Variants in TNRC6A observed in about 807,000 individuals in gnomAD.
The protein encoded by TNRC6A is trinucleotide repeat-containing gene 6A protein.
A neutral mutation model predicts 221.2 loss-of-function variants in TNRC6A; 44 were observed. That is an observed-to-expected ratio of 0.20 (90% CI 0.16 to 0.26). The LOEUF (loss-of-function observed/expected upper bound fraction) is 0.26, where lower values mean the gene tolerates loss of function less well. Ranked by LOEUF, TNRC6A falls within the 10% of genes least tolerant of loss-of-function variation. The pLI, the probability that TNRC6A is intolerant of heterozygous loss-of-function variation, is 1.00. For synonymous variants in TNRC6A, 847 were observed against 838.5 expected (o/e 1.01, Z -0.18); for missense variants, 2,199 against 2,404.4 (o/e 0.91, Z 1.79).
chr16:24,713,942 G>C (rs1285280044), intron 2 of TNRC6A, among the ~76,000 whole-genome samples: 1 of 152,098 alleles, frequency 6.6e-6, no homozygotes, highest in East Asian at 1.9e-4. Context: ...CAGCGCACTT[G>C]GCCATTAATC....
intron 6 of TNRC6A, 103 bp from the exon 7 acceptor site, chr16:24,793,370 G>C: frequency 1.3e-6 from 1 of 765,444 alleles, no homozygotes; most frequent in South Asian, 5.2e-5. Flanking sequence ...ACATAAACAT[G>C]AAGTTCTTCA....
chr16:24,678,994 ATTTTTTT>A (rs10556464), intron 2 of TNRC6A, among the ~76,000 whole-genome samples: 1 of 135,938 alleles, frequency 7.4e-6, no homozygotes, highest in East Asian at 2.2e-4. Context: ...AAAACATTGA[ATTTTTTT>A]TTTTTTTTTT....
At chr16:24,736,293 T>G (rs980065934) in intron 2 of TNRC6A, among the ~76,000 whole-genome samples, 3 of 152,202 alleles carry the variant, frequency 2.0e-5, no homozygotes, top group African/African-American at 7.2e-5. Context: ...ATCGTGACAT[T>G]GCACACCAAA....
intron 1 of TNRC6A, among the ~76,000 whole-genome samples, chr16:24,636,368 T>C (rs909178428): frequency 6.0e-5 from 8 of 132,468 alleles, no homozygotes; most frequent in African/African-American, 2.4e-4. Flanking sequence ...TGTAGGACTT[T>C]GTGATTTTTT....
At chr16:24,816,251 C>T (rs913001662) in intron 19 of TNRC6A, 1 of 150,810 alleles carries the variant, frequency 6.6e-6, no homozygotes, top group African/African-American at 2.5e-5. Context: ...GTGGCGTGAA[C>T]ACAGGAGGCG....
chr16:24,631,561 TAA>T (rs1428462635), intron 1 of TNRC6A, among the ~76,000 whole-genome samples: 4 of 151,976 alleles, frequency 2.6e-5, no homozygotes, highest in African/African-American at 9.7e-5. Context: ...CACTTGAGGT[TAA>T]GAGTTCGAGA....
Position 24,823,339 on chromosome 16 carries a change from T to C in TNRC6A, c.5514-93T>C, listed in dbSNP as rs1039446588. 5.9e-5 allele frequency: 87 copies of C among 1,477,838 alleles called. No individual in the cohort carries two copies. The highest frequency in any genetic ancestry group is 7.5e-5 in the Non-Finnish European group (83 of 1,100,132). The allele number at this position is 1,477,838 out of a possible 1,614,324, so 91.5% of individuals were successfully genotyped here. A position where few individuals can be genotyped will look rare whatever the true frequency, so the allele number is the denominator to read the frequency against. On this transcript the variant is annotated intron_variant, in intron 24 of 24. Coordinates refer to ENST00000395799, the MANE Select transcript of TNRC6A (RefSeq NM_014494.4). This position sits in a 1 kb window ranked among gnomAD's most constrained non-coding sequence, Gnocchi z 4.3. ...TCTCCCTCTGTGCCTTCTGTGGCTT[T>C]TCTAGCAGAGACAAGTTGCACCCTC...
intron 18 of TNRC6A, among the ~76,000 whole-genome samples, chr16:24,812,217 A>T (rs1157612468): frequency 6.6e-6 from 1 of 151,578 alleles, no homozygotes. Context: ...ACACCCGGCT[A>T]ATTTTTGTAA....
At position 24,777,071 on chromosome 16, in the gene TNRC6A, AGCAGCAGCC is replaced by A. The variant is rs1404598412; in HGVS notation, c.311_319del (p.Pro104_Gln106del). 5 of 1,606,568 alleles carry A rather than the reference AGCAGCAGCC, an allele frequency of 3.1e-6. No homozygotes were observed. The highest frequency in any genetic ancestry group is 4.3e-6 in the Non-Finnish European group (5 of 1,174,828). The stretch of plus-strand genomic sequence containing the variant: ...CAGCAGCCACAGCAGCAGCAGCAAC[AGCAGCAGCC>A]GCAGCAGCAGCAGCCACAGCAGCAG... On this transcript the variant is annotated inframe_deletion, in exon 5 of 25. Coordinates refer to ENST00000395799, the MANE Select transcript of TNRC6A (RefSeq NM_014494.4).
chr16:24,760,539 T>G (rs991667401), intron 4 of TNRC6A, among the ~76,000 whole-genome samples: 2 of 152,226 alleles, frequency 1.3e-5, no homozygotes, highest in African/African-American at 4.8e-5. Context: ...CATGTCATCC[T>G]TCTTTTCACG....
chr16:24,730,812 T>C (rs2151162577), intron 2 of TNRC6A, among the ~76,000 whole-genome samples: 1 of 135,160 alleles, frequency 7.4e-6, no homozygotes, highest in South Asian at 2.5e-4. Flanking sequence ...GTCCTTGAAC[T>C]TTACCAAGCA....
chr16:24,793,345 G>C, intron 6 of TNRC6A, 128 bp from the exon 7 acceptor site: 1 of 520,204 alleles, frequency 1.9e-6, no homozygotes, highest in Admixed American at 4.1e-5. Flanking sequence ...GCCTATCACA[G>C]TATCATTATT....
At chr16:24,710,324 C>T (rs1440183473) in intron 2 of TNRC6A, among the ~76,000 whole-genome samples, 1 of 151,688 alleles carries the variant, frequency 6.6e-6, no homozygotes, top group Non-Finnish European at 1.5e-5. Context: ...CATTGTTGGC[C>T]AGGCATGGCA....
intron 2 of TNRC6A, among the ~76,000 whole-genome samples, chr16:24,741,834 TTTTA>T (rs1231708214): frequency 6.6e-6 from 1 of 152,178 alleles, no homozygotes; most frequent in Non-Finnish European, 1.5e-5. Flanking sequence ...ACTTTTTACA[TTTTA>T]TTTATTTATT....
intron 2 of TNRC6A, among the ~76,000 whole-genome samples, chr16:24,731,486 A>G (rs2056641132): frequency 6.6e-6 from 1 of 152,220 alleles, no homozygotes; most frequent in South Asian, 2.1e-4. Flanking sequence ...TACTCAAAAT[A>G]ATTATGGGAT....
At chr16:24,695,740 A>G (rs949316230) in intron 2 of TNRC6A, among the ~76,000 whole-genome samples, 3 of 152,128 alleles carry the variant, frequency 2.0e-5, no homozygotes, top group African/African-American at 4.8e-5. Flanking sequence ...GTGGACATTC[A>G]GCATGGAAAA....
At chr16:24,764,852 C>T (rs528297256) in intron 4 of TNRC6A, among the ~76,000 whole-genome samples, 3 of 152,136 alleles carry the variant, frequency 2.0e-5, no homozygotes, top group Middle Eastern at 3.4e-3. Context: ...TAATAATATG[C>T]TTTTTCCTAT....
At chr16:24,684,155 T>C (rs989145540) in intron 2 of TNRC6A, among the ~76,000 whole-genome samples, 2 of 152,174 alleles carry the variant, frequency 1.3e-5, no homozygotes, top group Non-Finnish European at 2.9e-5. Flanking sequence ...TGTAATCCAT[T>C]TGGGAGACTG....
intron 2 of TNRC6A, among the ~76,000 whole-genome samples, chr16:24,683,893 A>G (rs2055578960): frequency 6.6e-6 from 1 of 152,148 alleles, no homozygotes; most frequent in African/African-American, 2.4e-5. Context: ...CTTCCCCTTC[A>G]AAGGTACTGA....
Sources: allele counts gnomAD v4.1 joint callset (sites outside exome capture counted in the v4.1 genomes callset), GRCh38; gene constraint gnomAD v4.1.1; non-coding constraint Gnocchi (gnomAD v3.1); transcripts MANE v1.5; gene names NCBI Gene and HGNC (gene_info 2026-07-23, HGNC 2026-07-21).